PEPD: variants seen among roughly 807,000 people sequenced by gnomAD.
PEPD encodes peptidase D.
Under a neutral mutation model 60.7 loss-of-function variants are expected in PEPD, and 53 were observed. The observed-to-expected ratio is 0.87, with a 90% confidence interval of 0.70 to 1.10. PEPD has a LOEUF of 1.10. PEPD is among the 50% of genes least tolerant of loss of function. The pLI is 0.00. For synonymous variants in PEPD, 267 were observed against 284.1 expected, an observed-to-expected ratio of 0.94 and a Z score of 0.60; for missense variants, 711 against 711.9, an observed-to-expected ratio of 1.00 and a Z score of 0.01.
chr19:33,468,774 T>G (rs1970067101), intron 7 of PEPD, among the ~76,000 whole-genome samples: 1 of 152,058 alleles, frequency 6.6e-6, no homozygotes, highest in Non-Finnish European at 1.5e-5. Context: ...CAGGGAGACT[T>G]TCTCGAATGA....
chr19:33,398,168 G>A (rs1443241765), intron 12 of PEPD, among the ~76,000 whole-genome samples: 3 of 152,206 alleles, frequency 2.0e-5, no homozygotes, highest in African/African-American at 7.2e-5. Flanking sequence ...TGCTACCTCT[G>A]GCACCCTGAT....
At chr19:33,422,807 T>A (rs1204009184) in intron 9 of PEPD, among the ~76,000 whole-genome samples, 2 of 146,352 alleles carry the variant, frequency 1.4e-5, no homozygotes, top group Non-Finnish European at 3.0e-5. Context: ...TATCCATCCA[T>A]CCATCCTTCT....
intron 9 of PEPD, among the ~76,000 whole-genome samples, chr19:33,439,104 C>T (rs1969435033): frequency 6.6e-6 from 1 of 152,244 alleles, no homozygotes; most frequent in African/African-American, 2.4e-5. Context: ...AAGGACAGGA[C>T]ATGGAGTCGA....
intron 6 of PEPD, among the ~76,000 whole-genome samples, chr19:33,482,788 C>T (rs765948351): frequency 2.0e-5 from 3 of 152,100 alleles, no homozygotes; most frequent in South Asian, 2.1e-4. Context: ...AATGGACAAA[C>T]GAAATGTGGT....
At chr19:33,396,030 C>CT (rs1405228186) in intron 12 of PEPD, 4 of 152,414 alleles carry the variant, frequency 2.6e-5, no homozygotes, top group African/African-American at 9.6e-5. Flanking sequence ...CTCGAGTCTC[C>CT]TCCCCCACAC....
intron 6 of PEPD, among the ~76,000 whole-genome samples, chr19:33,485,099 T>C (rs1970373262): frequency 6.6e-6 from 1 of 152,094 alleles, no homozygotes; most frequent in Non-Finnish European, 1.5e-5. Flanking sequence ...CACCCAAAGA[T>C]GAGGCAGCCC....
Position 33,493,279 on chromosome 19 carries a change from C to T in PEPD, c.441+11G>A. 6.2e-7 allele frequency: 1 copy of T among 1,604,052 alleles called. No individual in the cohort carries two copies. Among genetic ancestry groups the T allele is most frequent in the Non-Finnish European group, 8.5e-7 (1 of 1,170,990 alleles). On this transcript the variant is annotated intron_variant, in intron 5 of 14. Coordinates refer to ENST00000244137, the MANE Select transcript of PEPD (RefSeq NM_000285.4). ...CAAGCACTGCCCCACCCCTGGACACCAGCCACTTACCAAAGTGAGGAGGAC... is the reference window on the plus strand; with the variant it reads ...CAAGCACTGCCCCACCCCTGGACACTAGCCACTTACCAAAGTGAGGAGGAC...
At position 33,388,003 on chromosome 19, in the gene PEPD, C is replaced by T. The variant is rs544921062; in HGVS notation, c.1231G>A (p.Val411Met). 1.3e-5 allele frequency: 20 copies of T among 1,577,362 alleles called. No homozygotes were observed. The highest frequency in any genetic ancestry group is 9.4e-5 in the African/African-American group (7 of 74,504). The change falls in exon 14 of 15, where the codon GTG becomes ATG. Residue 411 changes from valine (V) to methionine (M), a missense_variant. Physicochemically the swap from Val to Met is conservative, Grantham distance 21. Coordinates refer to ENST00000244137, the MANE Select transcript of PEPD (RefSeq NM_000285.4). ...RHLQPGMVLT[V>M]EPGIYFIDHL... is the part of the protein sequence containing the mutation. ...TCGATGAAGTAGATGCCCGGCTCCA[C>T]GGTGAGCACCATGCCTGGCTGCAGG...
intron 3 of PEPD, among the ~76,000 whole-genome samples, chr19:33,505,398 A>G (rs2547227): frequency 0.43 from 64,892 of 151,874 alleles, 14,223 homozygotes; most frequent in Non-Finnish European, 0.47. Context: ...AAGCTTCCTC[A>G]CAGGGGCCAC....
At chr19:33,485,710 G>A (rs1970384861) in intron 6 of PEPD, among the ~76,000 whole-genome samples, 1 of 152,012 alleles carries the variant, frequency 6.6e-6, no homozygotes. Flanking sequence ...ATCTTTAACT[G>A]CTTGCTTAAA....
rs1192400241 is a variant in PEPD at position 33,408,459 on chromosome 19, C to G, written c.818+3213G>C. On this transcript the variant is annotated intron_variant, in intron 11 of 14. Coordinates refer to ENST00000244137, the MANE Select transcript of PEPD (RefSeq NM_000285.4). ...ACGCAGCACAGCCTCGGTCAGTTCC[C>G]TGTGTGTGTATCCATGTGTGTGCGT... Among the ~76,000 whole-genome samples the G allele has an allele frequency of 4.6e-5, 7 of 152,376 alleles. No individual in the cohort carries two copies. In the East Asian group the frequency reaches 1.2e-3, roughly 25 times the overall value.
At chr19:33,468,076 C>T (rs901942327) in intron 7 of PEPD, among the ~76,000 whole-genome samples, 6 of 152,078 alleles carry the variant, frequency 3.9e-5, no homozygotes, top group Non-Finnish European at 5.9e-5. Context: ...TGGAGAGGCA[C>T]GAGCCCTTTC....
At chr19:33,458,872 CAT>C (rs1177316666) in intron 9 of PEPD, among the ~76,000 whole-genome samples, 1 of 11,116 alleles carries the variant, frequency 9.0e-5, no homozygotes, top group Non-Finnish European at 1.7e-4. Context: ...GCGTGTGTGT[CAT>C]GTGTGTGGCA....
chr19:33,482,126 C>T (rs1219262334), intron 6 of PEPD, among the ~76,000 whole-genome samples: 1 of 152,198 alleles, frequency 6.6e-6, no homozygotes, highest in East Asian at 1.9e-4. Context: ...TAGACAAAGA[C>T]ACCTTAAGAA....
chr19:33,488,336 G>A (rs894312227), intron 6 of PEPD, among the ~76,000 whole-genome samples: 1 of 152,234 alleles, frequency 6.6e-6, no homozygotes, highest in Admixed American at 6.5e-5. Flanking sequence ...AGCCCAGGCA[G>A]CACCAGGTTA....
chr19:33,508,338 A>C (rs905479165), intron 3 of PEPD, among the ~76,000 whole-genome samples: 1 of 152,088 alleles, frequency 6.6e-6, no homozygotes, highest in Non-Finnish European at 1.5e-5. Context: ...TGAGGCCACA[A>C]CTCTGCTCTG....
At chr19:33,413,702 G>A (rs575649378) in intron 9 of PEPD, 59 bp from the exon 10 acceptor site, 45 of 1,039,378 alleles carry the variant, frequency 4.3e-5, no homozygotes, top group South Asian at 1.6e-4. Flanking sequence ...CCCACTCCAC[G>A]AGCCCCATGA....
intron 2 of PEPD, among the ~76,000 whole-genome samples, 158 bp downstream of exon 2, chr19:33,512,435 A>G (rs1457009499): frequency 6.6e-6 from 1 of 152,142 alleles, no homozygotes; most frequent in Non-Finnish European, 1.5e-5. Flanking sequence ...CAAGTTCTAC[A>G]TCTTCAAGGA....
intron 10 of PEPD, among the ~76,000 whole-genome samples, chr19:33,412,690 C>T (rs1050279002): frequency 6.6e-6 from 1 of 152,252 alleles, no homozygotes; most frequent in Non-Finnish European, 1.5e-5. Flanking sequence ...ATGGTTTTCT[C>T]TCCATCCACC....
Sources: gnomAD v4.1 joint callset for allele counts (sites outside exome capture counted in the v4.1 genomes callset) on GRCh38, gnomAD v4.1.1 for gene constraint, MANE v1.5 for transcripts, NCBI Gene and HGNC (gene_info 2026-07-23, HGNC 2026-07-21) for gene names.